Variants in KIF14 observed in about 807,000 individuals in gnomAD.
KIF14 encodes kinesin-like protein KIF14.
A neutral mutation model predicts 176.2 loss-of-function variants in KIF14; 98 were observed. The ratio of observed to expected loss-of-function variants is 0.56; its 90% CI spans 0.47 to 0.66. The LOEUF is 0.66. Among genes scored for constraint, KIF14 ranks in the 30% least tolerant of loss-of-function variants. The pLI, the probability that KIF14 is intolerant of heterozygous loss-of-function variation, is 0.00. For synonymous variants in KIF14, 566 were observed against 632.2 expected (o/e 0.90, Z 1.57); for missense variants, 1,751 against 1,920.4 (o/e 0.91, Z 1.65).
intron 25 of KIF14, among the ~76,000 whole-genome samples, chr1:200,563,168 C>G (rs1571462270): frequency 6.6e-6 from 1 of 152,196 alleles, no homozygotes; most frequent in South Asian, 2.1e-4. Context: ...CAAATCCCAG[C>G]TAGTAAATAG....
chr1:200,604,759 T>TA (rs1659790662), intron 8 of KIF14, among the ~76,000 whole-genome samples: 1 of 152,072 alleles, frequency 6.6e-6, no homozygotes, highest in African/African-American at 2.4e-5. Flanking sequence ...ATTGTGATGG[T>TA]AAAAAAATTG....
rs762029099 is a variant in KIF14 at position 200,553,555 on chromosome 1, A to T, written c.4780T>A (p.Trp1594Arg). 2.5e-6 allele frequency: 4 copies of T among 1,614,058 alleles called. No individual in the cohort carries two copies. The South Asian group carries it at 4.4e-5, about 18-fold the overall frequency. Residue 1594 changes from tryptophan to arginine, a missense_variant, in exon 30 of 30, where the codon TGG becomes AGG. Transcript: ENST00000367350. ...SEESPDLLKP[W>R]ETYNQNTKEE... ...TTGGTATTTTGATTATAAGTTTCCC[A>T]GGGTTTCAACAAATCAGGGCTTTCT...
Position 200,617,751 on chromosome 1 carries a change from T to G in KIF14, c.973A>C (p.Lys325Gln). 6.2e-7 allele frequency: 1 copy of G among 1,614,214 alleles called. No homozygotes were observed. Among genetic ancestry groups the G allele is most frequent in the South Asian group, 1.1e-5 (1 of 91,086 alleles). The change falls in exon 2 of 30, where the codon AAA becomes CAA. Residue 325 changes from lysine (K) to glutamine (Q), a missense_variant. Lys to Gln is a moderately conservative substitution (Grantham distance 53). Coordinates refer to ENST00000367350, the MANE Select transcript of KIF14 (RefSeq NM_014875.3). ...QRPKSSFLAN[K>Q]QERSAENTIL... ...GTATTTTCTGCGGATCTTTCCTGTT[T>G]ATTTGCAAGAAAGGAACTTTTTGGT...
rs73070685 is a variant in KIF14, at chr1:200,569,834, G to A, written c.3661+77C>T. On this transcript the variant is annotated intron_variant, in intron 23 of 29. Transcript: ENST00000367350. ...CCAGGAAATGAAATGATTTGCACAC[G>A]GATAAGAAAAAATGTAATGGTAGAA... The A allele has an allele frequency of 0.15, 113,397 of 750,986 alleles. 10,214 individuals are homozygous for A. The highest frequency in any genetic ancestry group is 0.32 in the African/African-American group (18,043 of 56,996). 46.5% of individuals were successfully genotyped at this position (750,986 alleles called of 1,614,324 possible).
At chr1:200,601,833 T>G (rs1659640395) in intron 11 of KIF14, 63 bp downstream of exon 11, 3 of 1,263,540 alleles carry the variant, frequency 2.4e-6, no homozygotes, top group African/African-American at 1.5e-5. Flanking sequence ...ATTTTAAGAC[T>G]GCAACTAATA....
chr1:200,565,015 C>T lies in KIF14; in HGVS notation c.4071+54G>A. ...GGGGAAGATATAGACAGTAGAAAGC[C>T]AATAAATAATTATTAAATGAATCCT... On this transcript the variant is annotated intron_variant, in intron 25 of 29. Transcript: ENST00000367350. The T allele has an allele frequency of 4.3e-6, 6 of 1,390,782 alleles. No individual in the cohort carries two copies. The Admixed American group carries it at 9.6e-5, about 22-fold the overall frequency. The allele number at this position is 1,390,782 out of a possible 1,614,324, so 86.2% of individuals were successfully genotyped here.
intron 18 of KIF14, among the ~76,000 whole-genome samples, chr1:200,587,420 G>C (rs922670301): frequency 1.4e-5 from 2 of 141,334 alleles, no homozygotes; most frequent in African/African-American, 5.2e-5. Context: ...AAAAAAAAAA[G>C]GCCATATCCA....
chr1:200,565,598 A>G lies in KIF14; in HGVS notation c.3733T>C (p.Leu1245=), dbSNP rs140834835. Residue 1245 remains leucine (L), a synonymous_variant, in exon 24 of 30, where the codon TTG becomes CTG. Coordinates refer to ENST00000367350, the MANE Select transcript of KIF14 (RefSeq NM_014875.3). ...AAAAAATCTAACGAAGAACCAATCA[A>G]TTCTTTGCAAATTCCAGGAAGAAAG... ...ESFLPGICKE[L]IGSSLDFFGQ... The G allele has an allele frequency of 1.2e-6, 2 of 1,612,078 alleles. No homozygotes were observed. The highest frequency in any genetic ancestry group is 2.2e-5 in the East Asian group (1 of 44,804).
Position 200,606,732 on chromosome 1 carries a change from A to G in KIF14, c.1607+14T>C, listed in dbSNP as rs1278977073. ...TGTTTTATCCTCTTTGCCCTTGCTG[A>G]GCCAAATACTTACATTGACAGTGCT... On this transcript the variant is annotated intron_variant, in intron 6 of 29. Coordinates refer to ENST00000367350, the MANE Select transcript of KIF14 (RefSeq NM_014875.3). 1 of 1,610,120 alleles carries G rather than the reference A, an allele frequency of 6.2e-7. No individual in the cohort carries two copies. Among genetic ancestry groups the G allele is most frequent in the Admixed American group, 1.7e-5 (1 of 60,028 alleles).
At chr1:200,556,666 A>C (rs1656845103) in intron 27 of KIF14, among the ~76,000 whole-genome samples, 1 of 152,158 alleles carries the variant, frequency 6.6e-6, no homozygotes, top group African/African-American at 2.4e-5. Flanking sequence ...ACATTCCCAC[A>C]TATTATTTCA....
At chr1:200,580,873 G>T (rs1246852600) in intron 20 of KIF14, among the ~76,000 whole-genome samples, 1 of 151,950 alleles carries the variant, frequency 6.6e-6, no homozygotes, top group African/African-American at 2.4e-5. Flanking sequence ...CACTTTGAGA[G>T]GCCAAGTCAG....
intron 22 of KIF14, among the ~76,000 whole-genome samples, chr1:200,572,579 G>C (rs1571484170): frequency 6.6e-6 from 1 of 152,134 alleles, no homozygotes; most frequent in African/African-American, 2.4e-5. Flanking sequence ...TCCTGACCTT[G>C]TGATCCGCCC....
intron 21 of KIF14, among the ~76,000 whole-genome samples, chr1:200,578,460 G>A (rs978846638): frequency 1.3e-5 from 2 of 151,982 alleles, no homozygotes; most frequent in Non-Finnish European, 1.5e-5. Flanking sequence ...AATACATGTT[G>A]CAACTATTTT....
chr1:200,555,777 A>G (rs1656801116), intron 27 of KIF14, among the ~76,000 whole-genome samples: 2 of 152,136 alleles, frequency 1.3e-5, no homozygotes, highest in South Asian at 4.1e-4. Context: ...CACATTGATC[A>G]TATACTTAGT....
At chr1:200,592,388 T>C (rs987147645) in intron 15 of KIF14, 148 bp from the exon 16 acceptor site, 62 of 647,290 alleles carry the variant, frequency 9.6e-5, no homozygotes, top group Non-Finnish European at 1.4e-4. Flanking sequence ...ACTTTTTTTT[T>C]CTTTTGGCAC....
intron 18 of KIF14, among the ~76,000 whole-genome samples, chr1:200,586,786 C>CATATAT (rs1241334191): frequency 1.2e-5 from 1 of 85,264 alleles, no homozygotes; most frequent in Non-Finnish European, 2.6e-5. Flanking sequence ...TATATATATA[C>CATATAT]ATACATATAT....
At chr1:200,618,878 A>G (rs1660550493) in intron 1 of KIF14, 40 bp from the exon 2 acceptor site, 3 of 609,112 alleles carry the variant, frequency 4.9e-6, no homozygotes, top group Non-Finnish European at 2.8e-6. Context: ...ACAGACTACA[A>G]ACAAGCTTTA....
chr1:200,594,252 G>A (rs1659208173), intron 14 of KIF14, among the ~76,000 whole-genome samples: 1 of 150,752 alleles, frequency 6.6e-6, no homozygotes, highest in African/African-American at 2.4e-5. Context: ...AGATTTTGAA[G>A]TTTGGTGAAA....
Position 200,600,343 on chromosome 1 carries a change from G to A in KIF14, c.2300+13C>T. 2 of 1,610,940 alleles carry A rather than the reference G, an allele frequency of 1.2e-6. No individual in the cohort carries two copies. The highest frequency in any genetic ancestry group is 3.3e-4 in the Middle Eastern group (2 of 6,058). ...CAACACACTTAACATTTAGAGTACTGACTGTACTCTACCTTTGCATTTCTG... is the reference window on the plus strand; with the variant it reads ...CAACACACTTAACATTTAGAGTACTAACTGTACTCTACCTTTGCATTTCTG... On this transcript the variant is annotated intron_variant, in intron 12 of 29. Coordinates refer to ENST00000367350, the MANE Select transcript of KIF14 (RefSeq NM_014875.3).
Sources: allele counts gnomAD v4.1 joint callset (sites outside exome capture counted in the v4.1 genomes callset), GRCh38; gene constraint gnomAD v4.1.1; transcripts MANE v1.5; gene names NCBI Gene and HGNC (gene_info 2026-07-23, HGNC 2026-07-21).